Variants in CLIP1 observed in about 807,000 individuals in gnomAD.
CLIP1 encodes the protein CAP-Gly domain-containing linker protein 1.
A neutral mutation model predicts 161.6 loss-of-function variants in CLIP1; 66 were observed. The ratio of observed to expected loss-of-function variants is 0.41; its 90% confidence interval spans 0.33 to 0.50. The LOEUF is 0.50. Ranked by LOEUF, CLIP1 falls within the 20% of genes least tolerant of loss-of-function variation. CLIP1 has a pLI of 0.27. For synonymous variants in CLIP1, 598 were observed against 626.2 expected, an observed-to-expected ratio of 0.96 and a Z score of 0.67; for missense variants, 1,376 against 1,702.0, an observed-to-expected ratio of 0.81 and a Z score of 3.37.
chr12:122,333,910 T>C (rs946103296), intron 14 of CLIP1, 117 bp downstream of exon 14: 3 of 636,916 alleles, frequency 4.7e-6, no homozygotes, highest in African/African-American at 3.7e-5. Context: ...TATATCACCA[T>C]GATGAGTGAA....
At chr12:122,276,085 G>T (rs1211375419) in intron 24 of CLIP1, among the ~76,000 whole-genome samples, 1 of 152,136 alleles carries the variant, frequency 6.6e-6, no homozygotes, top group East Asian at 1.9e-4. Flanking sequence ...TAAACTGAAA[G>T]ATCCCACTTT....
At chr12:122,352,419 A>T (rs1343328109) in intron 8 of CLIP1, among the ~76,000 whole-genome samples, 4 of 152,168 alleles carry the variant, frequency 2.6e-5, no homozygotes, top group Non-Finnish European at 5.9e-5. Context: ...AACACCATTA[A>T]GTCTCACTTA....
chr12:122,421,597 C>G (rs903366098), intron 1 of CLIP1, among the ~76,000 whole-genome samples: 1 of 152,128 alleles, frequency 6.6e-6, no homozygotes, highest in Admixed American at 6.6e-5. Context: ...CACTGGCGCC[C>G]AAGTTTTGCT....
chr12:122,341,586 C>T lies in CLIP1; in HGVS notation c.1618G>A (p.Gly540Arg), dbSNP rs1466511909. The change falls in exon 11 of 26, where the codon GGG becomes AGG. Residue 540 changes from glycine (G) to arginine (R), a missense_variant. Physicochemically the swap from Gly to Arg is moderately radical, Grantham distance 125. Coordinates refer to ENST00000620786, the MANE Select transcript of CLIP1 (RefSeq NM_001247997.2). ...RRRLESNKPAGDVDMSLSLLQ... is the reference protein window; with the variant it reads ...RRRLESNKPARDVDMSLSLLQ... Reference sequence around the variant, plus strand: ...AGGGAAAGTGACATGTCCACATCCCCAGCAGGCTTATTGGACTCTAGCCTT... The same window carrying T: ...AGGGAAAGTGACATGTCCACATCCCTAGCAGGCTTATTGGACTCTAGCCTT... 1.2e-6 allele frequency: 2 copies of T among 1,613,914 alleles called. No individual in the cohort carries two copies. Among genetic ancestry groups the T allele is most frequent in the Admixed American group, 1.7e-5 (1 of 60,002 alleles).
chr12:122,322,277 T>A (rs1951535920), intron 17 of CLIP1: 1 of 152,670 alleles, frequency 6.6e-6, no homozygotes, highest in Admixed American at 6.5e-5. Flanking sequence ...GAAGTAGCTT[T>A]CTGCCAGGGT....
chr12:122,384,247 C>T lies in CLIP1; in HGVS notation c.-106-3689G>A, dbSNP rs188656678. Among the ~76,000 whole-genome samples the T allele has an allele frequency of 2.6e-5, 4 of 152,216 alleles. No homozygotes were observed. In the East Asian group the frequency reaches 7.7e-4, roughly 29 times the overall value. On this transcript the variant is annotated intron_variant, in intron 1 of 25. Transcript: ENST00000620786. ...CTTTTCACTAAATTTAATATTAAAACTTAGGAGATAGCACTCATCAAGATG... is the reference window on the plus strand; with the variant it reads ...CTTTTCACTAAATTTAATATTAAAATTTAGGAGATAGCACTCATCAAGATG...
intron 15 of CLIP1, among the ~76,000 whole-genome samples, chr12:122,329,584 C>T (rs539162591): frequency 4.6e-5 from 7 of 151,294 alleles, no homozygotes; most frequent in East Asian, 2.0e-4. Context: ...GAGCCGAGAT[C>T]GCGCCACTGC....
At chr12:122,282,618 G>A (rs542033218) in intron 21 of CLIP1, among the ~76,000 whole-genome samples, 1 of 152,008 alleles carries the variant, frequency 6.6e-6, no homozygotes, top group Admixed American at 6.6e-5. Context: ...TTGCACTGAA[G>A]TTCTTTGCTG....
chr12:122,408,324 AT>A (rs566938658), intron 1 of CLIP1, among the ~76,000 whole-genome samples: 60 of 151,682 alleles, frequency 4.0e-4, no homozygotes, highest in South Asian at 1.5e-3. Context: ...AAATAACCAC[AT>A]TTTTTTGAGA....
intron 20 of CLIP1, among the ~76,000 whole-genome samples, chr12:122,295,239 G>A (rs144379046): frequency 8.1e-4 from 123 of 151,366 alleles, no homozygotes; most frequent in Middle Eastern, 3.4e-3. Context: ...GTGTGGTGGC[G>A]TGTACTTGTG....
intron 12 of CLIP1, 84 bp from the exon 13 acceptor site, chr12:122,334,789 C>T (rs1019170346): frequency 3.6e-6 from 3 of 838,206 alleles, no homozygotes; most frequent in Middle Eastern, 3.4e-4. Context: ...AACTACGATA[C>T]TGTCTACTTT....
chr12:122,396,899 T>C (rs1955929977), intron 1 of CLIP1, among the ~76,000 whole-genome samples: 1 of 148,214 alleles, frequency 6.7e-6, no homozygotes, highest in Admixed American at 6.8e-5. Flanking sequence ...CCCAAGTAGC[T>C]GGGACTACAG....
intron 19 of CLIP1, among the ~76,000 whole-genome samples, chr12:122,315,811 C>A (rs1408245004): frequency 6.6e-6 from 1 of 151,316 alleles, no homozygotes; most frequent in African/African-American, 2.4e-5. Flanking sequence ...CGGCTAATTT[C>A]TTTGTATTTT....
chr12:122,329,783 C>T (rs185369394), intron 15 of CLIP1, among the ~76,000 whole-genome samples: 2 of 152,016 alleles, frequency 1.3e-5, no homozygotes, highest in East Asian at 3.9e-4. Context: ...ACTTGAAGTT[C>T]TACTTTAAAG....
chr12:122,377,145 A>T lies in CLIP1; in HGVS notation c.657+244T>A, dbSNP rs1954777995. Among the ~76,000 whole-genome samples, 6 of 151,836 alleles carry T rather than the reference A, an allele frequency of 4.0e-5. No individual in the cohort carries two copies. In the South Asian group the frequency reaches 1.0e-3, roughly 26 times the overall value. ...TGCCTCAGCCTCCTGAGTAGCTGGG[A>T]TTACAGGCGCCCCCACCAATCCCAG... On this transcript the variant is annotated intron_variant, in intron 3 of 25. Transcript: ENST00000620786.
intron 20 of CLIP1, among the ~76,000 whole-genome samples, chr12:122,300,907 T>C (rs756135485): frequency 6.6e-6 from 1 of 152,220 alleles, no homozygotes; most frequent in Admixed American, 6.5e-5. Context: ...CAAAGGAACA[T>C]CACATGCCTC....
At chr12:122,369,381 C>A (rs1358429870) in intron 3 of CLIP1, among the ~76,000 whole-genome samples, 1 of 151,924 alleles carries the variant, frequency 6.6e-6, no homozygotes, top group Non-Finnish European at 1.5e-5. Flanking sequence ...CACCTTCCAG[C>A]AACTCTCCTA....
At chr12:122,312,090 T>A (rs529478790) in intron 19 of CLIP1, among the ~76,000 whole-genome samples, 1 of 152,366 alleles carries the variant, frequency 6.6e-6, no homozygotes, top group African/African-American at 2.4e-5. Context: ...CTACTTTTCT[T>A]TCTACATGAC....
At chr12:122,288,301 G>T (rs571427987) in intron 21 of CLIP1, among the ~76,000 whole-genome samples, 188 bp downstream of exon 21, 1 of 152,236 alleles carries the variant, frequency 6.6e-6, no homozygotes, top group East Asian at 1.9e-4. Context: ...TGGGATTACA[G>T]GTGTGAGCTA....
Sources: gnomAD v4.1 joint callset for allele counts (sites outside exome capture counted in the v4.1 genomes callset) on GRCh38, gnomAD v4.1.1 for gene constraint, MANE v1.5 for transcripts, NCBI Gene and HGNC (gene_info 2026-07-23, HGNC 2026-07-21) for gene names.